The following MDH2 variants were observed in gnomAD, a reference collection of about 807,000 sequenced individuals.
The protein encoded by MDH2 is malate dehydrogenase, mitochondrial.
In MDH2, 25 loss-of-function variants were observed where a neutral mutation model predicts 33.6. That is an observed-to-expected ratio of 0.74 (90% CI 0.54 to 1.04). MDH2 has a LOEUF of 1.04. Ranked by LOEUF, MDH2 falls within the 50% of genes least tolerant of loss-of-function variation. The pLI is 0.00. For missense variants in MDH2, 432 were observed against 445.0 expected, an observed-to-expected ratio of 0.97 and a Z score of 0.26; for synonymous variants, 193 against 188.7, an observed-to-expected ratio of 1.02 and a Z score of -0.19.
At position 76,048,370 on chromosome 7, in the gene MDH2, G is replaced by C. The variant is rs1013153091; in HGVS notation, c.66+144G>C. The C allele has an allele frequency of 9.4e-6, 12 of 1,279,200 alleles. No homozygotes were observed. In the South Asian group the frequency reaches 1.7e-4, roughly 19 times the overall value. 79.2% of individuals were successfully genotyped at this position (1,279,200 alleles called of 1,614,324 possible). On this transcript the variant is annotated intron_variant, in intron 1 of 8. Transcript: ENST00000315758. ...CACTGGCTGGAGACTGTGGCGCCCGGGGCAGGCCCTGACACTGGCCTGGAG... is the reference window on the plus strand; with the variant it reads ...CACTGGCTGGAGACTGTGGCGCCCGCGGCAGGCCCTGACACTGGCCTGGAG...
chr7:76,064,272 G>C, intron 6 of MDH2, 67 bp from the exon 7 acceptor site: 1 of 1,177,016 alleles, frequency 8.5e-7, no homozygotes, highest in Non-Finnish European at 1.2e-6. Context: ...AATAGTGGGG[G>C]TGGGAGGCAG....
At chr7:76,057,354 C>G in intron 2 of MDH2, 56 bp from the exon 3 acceptor site, 1 of 1,601,890 alleles carries the variant, frequency 6.2e-7, no homozygotes, top group Non-Finnish European at 8.5e-7. Flanking sequence ...GCTGAACTTT[C>G]CAGGCCTCTC....
At chr7:76,058,260 C>T (rs1015258113) in intron 4 of MDH2, 182 bp downstream of exon 4, 2 of 593,600 alleles carry the variant, frequency 3.4e-6, no homozygotes, top group Non-Finnish European at 6.0e-6. Context: ...CGTGCACTTC[C>T]TAAGGACTCC....
rs1554586397 is a variant in MDH2 at position 76,057,406 on chromosome 7, C to G, written c.236-4C>G. Reference sequence around the variant, plus strand: ...ACATTTCTCTTGTGGGGTGTTTGTTCTAGGCTACCTCGGACCTGAACAGCT... The same window carrying G: ...ACATTTCTCTTGTGGGGTGTTTGTTGTAGGCTACCTCGGACCTGAACAGCT... On this transcript the variant is annotated splice_region_variant and splice_polypyrimidine_tract_variant and intron_variant, in intron 2 of 8. Coordinates refer to ENST00000315758, the MANE Select transcript of MDH2 (RefSeq NM_005918.4). 4 of 1,614,094 alleles carry G rather than the reference C, an allele frequency of 2.5e-6. No homozygotes were observed. The highest frequency in any genetic ancestry group is 2.2e-5 in the East Asian group (1 of 44,878).
chr7:76,060,755 A>C (rs1037801894), intron 5 of MDH2, among the ~76,000 whole-genome samples: 5 of 151,564 alleles, frequency 3.3e-5, no homozygotes, highest in Non-Finnish European at 2.9e-5. Context: ...CGCCAAGAGC[A>C]CTGTGGGTTC....
At chr7:76,048,263 C>T (rs1563540325) in intron 1 of MDH2, 37 bp downstream of exon 1, 2 of 1,525,250 alleles carry the variant, frequency 1.3e-6, no homozygotes, top group African/African-American at 2.8e-5. Flanking sequence ...GGCGGAGGCC[C>T]CCCGGCCCGG....
chr7:76,063,490 T>C (rs782096037), intron 5 of MDH2, 25 bp from the exon 6 acceptor site: 2 of 1,610,762 alleles, frequency 1.2e-6, no homozygotes, highest in South Asian at 2.2e-5. Context: ...TGTTAACTCA[T>C]CCAGCTTCAT....
At chr7:76,049,659 T>C (rs1797543586) in intron 1 of MDH2, among the ~76,000 whole-genome samples, 1 of 152,116 alleles carries the variant, frequency 6.6e-6, no homozygotes, top group African/African-American at 2.4e-5. Context: ...GACATATTTA[T>C]TGAGCTAGGT....
In MDH2 at chr7:76,058,065, T is replaced by C. The variant is rs1554586536; in HGVS notation, c.416T>C (p.Val139Ala). ...AQHCPEAMIC[V>A]IANPVNSTIP... Reference sequence around the variant, plus strand: ...CACTGCCCGGAAGCCATGATCTGCGTCATTGCCAATCCGGTGAGTGTGGCA... The same window carrying C: ...CACTGCCCGGAAGCCATGATCTGCGCCATTGCCAATCCGGTGAGTGTGGCA... The change falls in exon 4 of 9, where the codon GTC (valine) becomes GCC (alanine). Residue 139 changes from valine to alanine, a missense_variant. Transcript: ENST00000315758. 2.5e-6 allele frequency: 4 copies of C among 1,613,068 alleles called. No individual in the cohort carries two copies. The highest frequency in any genetic ancestry group is 3.4e-6 in the Non-Finnish European group (4 of 1,179,966).
At chr7:76,062,037 G>C (rs1233237856) in intron 5 of MDH2, among the ~76,000 whole-genome samples, 1 of 152,146 alleles carries the variant, frequency 6.6e-6, no homozygotes, top group Non-Finnish European at 1.5e-5. Context: ...TTGGGGACAG[G>C]GTACCTTGGC....
At position 76,064,803 on chromosome 7, in the gene MDH2, C is replaced by T. The variant is rs145607211; in HGVS notation, c.735C>T (p.Gly245=). The part of the protein sequence containing the change: ...TEVVKAKAGA[G]SATLSMAYAG... ...GCTGACCTGTCTGTGCCCCCCTAGG[C>T]TCTGCCACCCTCTCCATGGCGTATG... is the stretch of plus-strand genomic sequence containing the variant. The change falls in exon 8 of 9, where the codon GGC becomes GGT. Residue 245 remains glycine, a splice_region_variant and synonymous_variant. Transcript: ENST00000315758. 1.3e-4 allele frequency: 215 copies of T among 1,613,608 alleles called. 3 individuals are homozygous for T. In the Middle Eastern group the frequency reaches 1.5e-3, roughly 11 times the overall value.
In MDH2 at chr7:76,064,420, A is replaced by G; in HGVS notation, c.715A>G (p.Lys239Glu). 6.2e-7 allele frequency: 1 copy of G among 1,613,352 alleles called. No homozygotes were observed. The highest frequency in any genetic ancestry group is 8.5e-7 in the Non-Finnish European group (1 of 1,179,792). Residue 239 changes from lysine to glutamate, a missense_variant, in exon 7 of 9, where the codon AAG becomes GAG. Physicochemically the swap from Lys to Glu is moderately conservative, Grantham distance 56 (BLOSUM62 1). Transcript: ENST00000315758. ...CCAGGAGGCCGGCACGGAGGTGGTCAAGGCTAAAGCCGGAGCAGGTAGAGT... is the reference window on the plus strand; with the variant it reads ...CCAGGAGGCCGGCACGGAGGTGGTCGAGGCTAAAGCCGGAGCAGGTAGAGT... ...RIQEAGTEVV[K>E]AKAGAGSATL...
chr7:76,055,009 C>T lies in MDH2; in HGVS notation c.235+11C>T, dbSNP rs200392965. ...AAGCCGCTGTGAAAGGTACTGGGCG[C>T]GCTGACCCTGGAGACTTGCTTCCTG... On this transcript the variant is annotated intron_variant, in intron 2 of 8. Coordinates refer to ENST00000315758, the MANE Select transcript of MDH2 (RefSeq NM_005918.4). 67 of 1,601,028 alleles carry T rather than the reference C, an allele frequency of 4.2e-5. No individual in the cohort carries two copies. Among genetic ancestry groups the T allele is most frequent in the Admixed American group, 1.7e-4 (10 of 58,190 alleles).
intron 5 of MDH2, 90 bp from the exon 6 acceptor site, chr7:76,063,425 C>T: frequency 7.7e-7 from 1 of 1,294,770 alleles, no homozygotes; most frequent in East Asian, 2.4e-5. Context: ...TTCTGGGGGG[C>T]TTTTCCAGTG....
Position 76,048,233 on chromosome 7 carries a change from C to A in MDH2, c.66+7C>A. The A allele has an allele frequency of 6.5e-7, 1 of 1,533,384 alleles. No individual in the cohort carries two copies. Among genetic ancestry groups the A allele is most frequent in the Non-Finnish European group, 8.7e-7 (1 of 1,145,556 alleles). The allele number at this position is 1,533,384 out of a possible 1,614,324, so 95.0% of individuals were successfully genotyped here. ...CTTCAGCACCTCGGCCCAGGTAGGC[C>A]AGACGAGGGGCGGCCTGCAGGCGGA... On this transcript the variant is annotated splice_region_variant and intron_variant, in intron 1 of 8. Transcript: ENST00000315758.
intron 5 of MDH2, 126 bp downstream of exon 5, chr7:76,060,624 T>C: frequency 1.5e-6 from 2 of 1,377,136 alleles, no homozygotes; most frequent in Non-Finnish European, 1.9e-6. Context: ...TTTTAAATGT[T>C]TTTAGAGCTC....
Position 76,048,110 on chromosome 7 carries a change from C to G in MDH2, c.-51C>G, listed in dbSNP as rs1186889985. On this transcript the variant is annotated 5_prime_UTR_variant, in exon 1 of 9. Coordinates refer to ENST00000315758, the MANE Select transcript of MDH2 (RefSeq NM_005918.4). Reference sequence around the variant, plus strand: ...AGTGTGGAGGTCGTTGGAGTCACTTCCCCGTCACCAGCTCCTGTGCCTGCC... The same window carrying G: ...AGTGTGGAGGTCGTTGGAGTCACTTGCCCGTCACCAGCTCCTGTGCCTGCC... 1 of 1,536,404 alleles carries G rather than the reference C, an allele frequency of 6.5e-7. No homozygotes were observed. Among genetic ancestry groups the G allele is most frequent in the African/African-American group, 1.4e-5 (1 of 73,052 alleles).
intron 2 of MDH2, among the ~76,000 whole-genome samples, chr7:76,056,287 T>C (rs1213766643): frequency 1.3e-5 from 2 of 152,200 alleles, no homozygotes; most frequent in African/African-American, 4.8e-5. Context: ...AGTCTTAGAG[T>C]TCTAAACACA....
In MDH2 at chr7:76,054,345, C is replaced by T. The variant is rs192628409; in HGVS notation, c.67-485C>T. Reference sequence around the variant, plus strand: ...CCCACCCCTGCAGGGAGTTGATTGCCGCAACCCCATCTGCCCTCTTGCACA... The same window carrying T: ...CCCACCCCTGCAGGGAGTTGATTGCTGCAACCCCATCTGCCCTCTTGCACA... On this transcript the variant is annotated intron_variant, in intron 1 of 8. Coordinates refer to ENST00000315758, the MANE Select transcript of MDH2 (RefSeq NM_005918.4). Among the ~76,000 whole-genome samples, 9 of 152,338 alleles carry T rather than the reference C, an allele frequency of 5.9e-5. No homozygotes were observed. The East Asian group carries it at 7.7e-4, about 13-fold the overall frequency.
Sources: gnomAD v4.1 joint callset for allele counts (sites outside exome capture counted in the v4.1 genomes callset) on GRCh38, gnomAD v4.1.1 for gene constraint, MANE v1.5 for transcripts, NCBI Gene and HGNC (gene_info 2026-07-23, HGNC 2026-07-21) for gene names.